The following PARD3B variants were observed in gnomAD, a reference collection of about 807,000 sequenced individuals.
PARD3B encodes the protein partitioning defective 3 homolog B.
Under a neutral mutation model 130.2 loss-of-function variants are expected in PARD3B, and 103 were observed. The ratio of observed to expected loss-of-function variants is 0.79; its 90% confidence interval spans 0.67 to 0.93. PARD3B has a LOEUF of 0.93. PARD3B is among the 40% of genes least tolerant of loss of function. PARD3B has a pLI of 0.00. For missense variants in PARD3B, 1,609 were observed against 1,499.2 expected, an observed-to-expected ratio of 1.07 and a Z score of -1.21; for synonymous variants, 583 against 553.2, an observed-to-expected ratio of 1.05 and a Z score of -0.76.
At chr2:205,569,726 G>T (rs1190642273) in intron 22 of PARD3B, among the ~76,000 whole-genome samples, 3 of 152,168 alleles carry the variant, frequency 2.0e-5, no homozygotes, top group Non-Finnish European at 4.4e-5. Flanking sequence ...TAAGTGTCCT[G>T]AAGCATTCTG....
At chr2:205,406,463 A>G (rs895950041) in intron 19 of PARD3B, among the ~76,000 whole-genome samples, 8 of 152,110 alleles carry the variant, frequency 5.3e-5, no homozygotes, top group African/African-American at 1.9e-4. Context: ...ACATTTAGAA[A>G]GCATTAGTTC....
intron 21 of PARD3B, among the ~76,000 whole-genome samples, chr2:205,543,142 A>G (rs760883161): frequency 6.6e-6 from 1 of 152,200 alleles, no homozygotes; most frequent in Non-Finnish European, 1.5e-5. Flanking sequence ...TGAGAATGCA[A>G]TGGTGCCAAA....
intron 4 of PARD3B, among the ~76,000 whole-genome samples, chr2:205,069,471 C>A (rs978216196): frequency 2.6e-5 from 4 of 151,998 alleles, no homozygotes; most frequent in Non-Finnish European, 5.9e-5. Context: ...TTTCTGACCA[C>A]CATTGAAGTG....
rs1286128636 is a variant in PARD3B, at chr2:205,206,739, G to A, written c.2140+13419G>A. 2.0e-5 allele frequency among the ~76,000 whole-genome samples: 3 copies of A among 151,988 alleles called. No homozygotes were observed. The South Asian group carries it at 6.2e-4, about 32-fold the overall frequency. ...TCCTTTGGGTATATACCCAGTAATG[G>A]GATGGCTGGGTCAAATGGTATAATA... is the stretch of plus-strand genomic sequence containing the variant. On this transcript the variant is annotated intron_variant, in intron 15 of 22. Coordinates refer to ENST00000406610, the MANE Select transcript of PARD3B (RefSeq NM_001302769.2).
At chr2:205,415,435 G>T (rs1305195917) in intron 19 of PARD3B, among the ~76,000 whole-genome samples, 1 of 152,026 alleles carries the variant, frequency 6.6e-6, no homozygotes, top group Non-Finnish European at 1.5e-5. Flanking sequence ...TAATTCTTGA[G>T]GAAACATAAC....
At chr2:205,363,646 C>G (rs1419260355) in intron 18 of PARD3B, among the ~76,000 whole-genome samples, 1 of 151,742 alleles carries the variant, frequency 6.6e-6, no homozygotes, top group Non-Finnish European at 1.5e-5. Context: ...TTTTCTGGAG[C>G]CTCTGTTTTT....
At chr2:205,535,030 T>C (rs2051781295) in intron 21 of PARD3B, among the ~76,000 whole-genome samples, 1 of 152,152 alleles carries the variant, frequency 6.6e-6, no homozygotes, top group South Asian at 2.1e-4. Context: ...GAGGGGTGTA[T>C]ACAGAGTAAA....
chr2:205,359,640 A>G (rs1339455717), intron 18 of PARD3B, among the ~76,000 whole-genome samples: 10 of 152,244 alleles, frequency 6.6e-5, no homozygotes, highest in Admixed American at 6.5e-4. Context: ...TGTTTTGTGT[A>G]GATATATGTA....
intron 13 of PARD3B, among the ~76,000 whole-genome samples, chr2:205,179,081 T>C (rs549451746): frequency 1.3e-5 from 2 of 152,228 alleles, no homozygotes; most frequent in African/African-American, 4.8e-5. Context: ...TGACCCTATC[T>C]AGGCCTAGGC....
intron 1 of PARD3B, among the ~76,000 whole-genome samples, chr2:204,666,608 A>G (rs1432684632): frequency 6.6e-6 from 1 of 152,164 alleles, no homozygotes; most frequent in Non-Finnish European, 1.5e-5. Context: ...TTTAGAAGAT[A>G]AAGTCAATAG....
At chr2:204,843,479 T>G (rs1328655271) in intron 2 of PARD3B, among the ~76,000 whole-genome samples, 1 of 152,088 alleles carries the variant, frequency 6.6e-6, no homozygotes. Flanking sequence ...AACCTCCACC[T>G]GTGGGGTTCA....
intron 2 of PARD3B, among the ~76,000 whole-genome samples, chr2:204,883,455 A>ATATAAAATATATATATATATATTTTT (rs1377428928): frequency 1.3e-5 from 1 of 77,272 alleles, no homozygotes; most frequent in Non-Finnish European, 2.3e-5. Flanking sequence ...ATATATATAT[A>ATATAAAATATATATATATATATTTTT]TTTTTTTTTT....
At chr2:204,867,241 T>C (rs2045461709) in intron 2 of PARD3B, among the ~76,000 whole-genome samples, 1 of 152,140 alleles carries the variant, frequency 6.6e-6, no homozygotes, top group Admixed American at 6.6e-5. Flanking sequence ...CTAACAAATC[T>C]GAGTGATTTA....
chr2:205,473,684 G>GTATATATATA lies in PARD3B; in HGVS notation c.3045-26195_3045-26186dup, dbSNP rs369766633. On this transcript the variant is annotated intron_variant, in intron 20 of 22. Transcript: ENST00000406610. This position sits in a 1 kb window ranked among gnomAD's most constrained non-coding sequence, Gnocchi z 4.9. ...TGTGTGTGTGTGTGTGTGTGTGTAT[G>GTATATATATA]TATATATATATATATATATATATAT... is the stretch of plus-strand genomic sequence containing the variant. 2.4e-4 allele frequency among the ~76,000 whole-genome samples: 28 copies of GTATATATATA among 114,620 alleles called. No homozygotes were observed. Among genetic ancestry groups the GTATATATATA allele is most frequent in the South Asian group, 2.8e-4 (1 of 3,580 alleles). 75.2% of individuals were successfully genotyped at this position (114,620 alleles called of 152,430 possible).
rs548370150 is a variant in PARD3B, at chr2:204,946,033, T to C, written c.223-19119T>C. Reference sequence around the variant, plus strand: ...GACCAGCTTAAATGTCATCTTCCCCTCTATACCTTGCTTAACAGCTTCCCT... The same window carrying C: ...GACCAGCTTAAATGTCATCTTCCCCCCTATACCTTGCTTAACAGCTTCCCT... On this transcript the variant is annotated intron_variant, in intron 2 of 22. Coordinates refer to ENST00000406610, the MANE Select transcript of PARD3B (RefSeq NM_001302769.2). Among the ~76,000 whole-genome samples, 128 of 152,358 alleles carry C rather than the reference T, an allele frequency of 8.4e-4. 2 individuals are homozygous for C. The highest frequency in any genetic ancestry group is 6.5e-4 in the Non-Finnish European group (44 of 68,032).
intron 2 of PARD3B, among the ~76,000 whole-genome samples, chr2:204,706,137 G>C (rs1393060015): frequency 6.6e-6 from 1 of 152,078 alleles, no homozygotes; most frequent in Non-Finnish European, 1.5e-5. Flanking sequence ...GGAGGCCGAG[G>C]TGAGAGGATC....
intron 18 of PARD3B, among the ~76,000 whole-genome samples, chr2:205,384,283 C>T (rs1031166191): frequency 6.6e-6 from 1 of 152,012 alleles, no homozygotes; most frequent in Non-Finnish European, 1.5e-5. Flanking sequence ...CTTTCCCTTC[C>T]TTTACTTATC....
In PARD3B at chr2:205,187,379, T is replaced by C. The variant is rs2036161855; in HGVS notation, c.2024+1516T>C. Among the ~76,000 whole-genome samples, 1 of 152,128 alleles carries C rather than the reference T, an allele frequency of 6.6e-6. No homozygotes were observed. Among genetic ancestry groups the C allele is most frequent in the African/African-American group, 2.4e-5 (1 of 41,424 alleles). Reference sequence around the variant, plus strand: ...CAGACTTCATTTGGTAGATAGTCAATCTTATTGCAGGGTTTTCGCAGGTAA... The same window carrying C: ...CAGACTTCATTTGGTAGATAGTCAACCTTATTGCAGGGTTTTCGCAGGTAA... On this transcript the variant is annotated intron_variant, in intron 14 of 22. Transcript: ENST00000406610. This position sits in a 1 kb window ranked among gnomAD's most constrained non-coding sequence, Gnocchi z 4.9.
At position 204,941,842 on chromosome 2, in the gene PARD3B, G is replaced by GTA. The variant is rs755093452; in HGVS notation, c.223-23298_223-23297dup. On this transcript the variant is annotated intron_variant, in intron 2 of 22. Coordinates refer to ENST00000406610, the MANE Select transcript of PARD3B (RefSeq NM_001302769.2). ...TTATTGCAACATTCTGAGTGTGTGT[G>GTA]TATATATATATATTTAAATTATATC... 2.7e-3 allele frequency among the ~76,000 whole-genome samples: 343 copies of GTA among 126,324 alleles called. 1 individual carries two copies. Among genetic ancestry groups the GTA allele is most frequent in the Middle Eastern group, 8.3e-3 (2 of 240 alleles). The allele number at this position is 126,324 out of a possible 152,430, so 82.9% of individuals were successfully genotyped here. A position where few individuals can be genotyped will look rare whatever the true frequency, so the allele number is the denominator to read the frequency against.
Sources: gnomAD v4.1 joint callset for allele counts (sites outside exome capture counted in the v4.1 genomes callset) on GRCh38, gnomAD v4.1.1 for gene constraint, Gnocchi (gnomAD v3.1) non-coding constraint, MANE v1.5 for transcripts, NCBI Gene and HGNC (gene_info 2026-07-23, HGNC 2026-07-21) for gene names.